The following CMIP variants were observed in gnomAD, a reference collection of about 807,000 sequenced individuals.
The protein encoded by CMIP is c-Maf inducing protein.
Under a neutral mutation model 97.3 loss-of-function variants are expected in CMIP, and 13 were observed. The ratio of observed to expected loss-of-function variants is 0.13; its 90% CI spans 0.09 to 0.21. The LOEUF (loss-of-function observed/expected upper bound fraction) is 0.21, where lower values mean the gene tolerates loss of function less well. Among genes scored for constraint, CMIP ranks in the 10% least tolerant of loss-of-function variants. The pLI is 1.00. For missense variants in CMIP, 847 were observed against 1,024.9 expected (o/e 0.83, Z 2.37); for synonymous variants, 538 against 436.3 (o/e 1.23, Z -2.91).
At chr16:81,582,756 C>G (rs1228443174) in intron 1 of CMIP, among the ~76,000 whole-genome samples, 1 of 152,166 alleles carries the variant, frequency 6.6e-6, no homozygotes, top group Non-Finnish European at 1.5e-5. Flanking sequence ...GACCATGAAA[C>G]TAAAAGCAGC....
At chr16:81,476,176 C>G (rs1337154381) in intron 1 of CMIP, 1 of 1,200,926 alleles carries the variant, frequency 8.3e-7, no homozygotes, top group Non-Finnish European at 1.2e-6. Flanking sequence ...CTTGGCAGTG[C>G]GTGTGGAAAA....
intron 2 of CMIP, chr16:81,619,143 C>T (rs1446983486): frequency 6.6e-6 from 1 of 152,196 alleles, no homozygotes; most frequent in Admixed American, 6.5e-5. Context: ...CAGCCCTTGT[C>T]GGAGTTCCTG....
intron 1 of CMIP, among the ~76,000 whole-genome samples, chr16:81,447,461 A>G (rs1905931042): frequency 6.6e-6 from 1 of 152,064 alleles, no homozygotes; most frequent in East Asian, 1.9e-4. Flanking sequence ...CTCAGGAGGT[A>G]TATCTGAGAG....
At chr16:81,665,248 C>G (rs2151026828) in intron 7 of CMIP, 1 of 152,146 alleles carries the variant, frequency 6.6e-6, no homozygotes, top group Non-Finnish European at 1.5e-5. Context: ...ATTCCAGGGA[C>G]AGCAGCAAAT....
intron 3 of CMIP, among the ~76,000 whole-genome samples, chr16:81,647,352 T>C (rs1490324632): frequency 6.6e-6 from 1 of 152,228 alleles, no homozygotes; most frequent in Non-Finnish European, 1.5e-5. Context: ...TTGCATATTC[T>C]GTGTTTATTT....
rs953833297 is a variant in CMIP at position 81,625,996 on chromosome 16, G to A, written c.477+5070G>A. Among the ~76,000 whole-genome samples, 23 of 152,372 alleles carry A rather than the reference G, an allele frequency of 1.5e-4. No individual in the cohort carries two copies. The East Asian group carries it at 4.2e-3, about 28-fold the overall frequency. ...CTGTCCCAGGGCTGCCAGGGCCAGAGGAGTGCCCTTGGCTCTGGGAAAATC... is the reference window on the plus strand; with the variant it reads ...CTGTCCCAGGGCTGCCAGGGCCAGAAGAGTGCCCTTGGCTCTGGGAAAATC... On this transcript the variant is annotated intron_variant, in intron 3 of 20. Transcript: ENST00000537098.
intron 8 of CMIP, 65 bp from the exon 9 acceptor site, chr16:81,671,901 C>A: frequency 1.2e-6 from 1 of 826,388 alleles, no homozygotes; most frequent in South Asian, 1.6e-5. Flanking sequence ...TCCCTTTCCC[C>A]CCTTACCCTG....
At chr16:81,661,002 C>G in intron 6 of CMIP, 56 bp downstream of exon 6, 1 of 1,605,182 alleles carries the variant, frequency 6.2e-7, no homozygotes, top group Non-Finnish European at 8.5e-7. Context: ...CCTCTGTGCG[C>G]ATACCAGGGA....
At chr16:81,581,679 G>T (rs777670272) in intron 1 of CMIP, among the ~76,000 whole-genome samples, 15 of 152,260 alleles carry the variant, frequency 9.9e-5, no homozygotes, top group Non-Finnish European at 2.1e-4. Flanking sequence ...TTTAGGAATA[G>T]TGCTATCCTT....
intron 1 of CMIP, chr16:81,464,099 ATCT>A (rs1907056512): frequency 6.6e-6 from 1 of 152,354 alleles, no homozygotes; most frequent in Middle Eastern, 3.4e-3. Flanking sequence ...CACCTTTGTG[ATCT>A]TCTGAGGGAG....
intron 2 of CMIP, chr16:81,617,476 A>C (rs1281301492): frequency 2.3e-4 from 35 of 152,314 alleles, no homozygotes; most frequent in Admixed American, 2.2e-3. Flanking sequence ...GGACTGGCTC[A>C]CACACTGTTG....
chr16:81,513,274 C>A (rs2089849056), intron 1 of CMIP, among the ~76,000 whole-genome samples: 1 of 152,228 alleles, frequency 6.6e-6, no homozygotes, highest in Non-Finnish European at 1.5e-5. Flanking sequence ...GGCTTCCTGC[C>A]AGCAGGCTAT....
At chr16:81,590,872 A>ATCCATCC (rs1567597857) in intron 1 of CMIP, among the ~76,000 whole-genome samples, 1 of 134,836 alleles carries the variant, frequency 7.4e-6, no homozygotes, top group African/African-American at 2.6e-5. Context: ...TCCATCCATC[A>ATCCATCC]CATTTCTATT....
chr16:81,595,947 A>T (rs1392636659), intron 1 of CMIP, among the ~76,000 whole-genome samples: 1 of 152,190 alleles, frequency 6.6e-6, no homozygotes, highest in East Asian at 1.9e-4. Context: ...AAGAACTACC[A>T]AACTATTTTA....
intron 1 of CMIP, among the ~76,000 whole-genome samples, chr16:81,548,695 A>G (rs1433399750): frequency 6.6e-6 from 1 of 152,012 alleles, no homozygotes; most frequent in Non-Finnish European, 1.5e-5. Context: ...AAAAGAAAAA[A>G]AAAAGCCAGG....
chr16:81,699,283 A>C (rs990488572), intron 14 of CMIP, among the ~76,000 whole-genome samples: 1 of 152,228 alleles, frequency 6.6e-6, no homozygotes, highest in Non-Finnish European at 1.5e-5. Flanking sequence ...CAAGGGCTAC[A>C]TTTGTTTAAA....
chr16:81,605,066 T>C lies in CMIP; in HGVS notation c.301-2501T>C, dbSNP rs185588891. Among the ~76,000 whole-genome samples, 351 of 151,716 alleles carry C rather than the reference T, an allele frequency of 2.3e-3. 1 individual carries two copies. Among genetic ancestry groups the C allele is most frequent in the Non-Finnish European group, 3.6e-3 (245 of 67,918 alleles). On this transcript the variant is annotated intron_variant, in intron 1 of 20. Transcript: ENST00000537098. ...AACACAATAAATATTTGAATATGGG[T>C]GAGGAAAAGAAGTACAGAACCAACC...
intron 1 of CMIP, among the ~76,000 whole-genome samples, chr16:81,481,523 C>T (rs957412074): frequency 2.0e-5 from 3 of 152,180 alleles, no homozygotes; most frequent in African/African-American, 7.2e-5. Context: ...GTCCAGGGAG[C>T]ATCTGCGTGG....
intron 1 of CMIP, among the ~76,000 whole-genome samples, chr16:81,562,073 A>C (rs533440991): frequency 6.6e-6 from 1 of 152,332 alleles, no homozygotes; most frequent in South Asian, 2.1e-4. Flanking sequence ...GTTAGATGTA[A>C]ATGTGCAAGG....
Sources: allele counts gnomAD v4.1 joint callset (sites outside exome capture counted in the v4.1 genomes callset), GRCh38; gene constraint gnomAD v4.1.1; transcripts MANE v1.5; gene names NCBI Gene and HGNC (gene_info 2026-07-23, HGNC 2026-07-21).